DCDC1: variants seen among roughly 807,000 people sequenced by gnomAD.
The protein encoded by DCDC1 is doublecortin domain-containing protein 1.
DCDC1 carries 200 observed loss-of-function variants against 178.3 expected under a neutral mutation model. The ratio of observed to expected loss-of-function variants is 1.12; its 90% CI spans 1.00 to 1.26. DCDC1 has a LOEUF of 1.26. Ranked by LOEUF, DCDC1 falls within the 50% of genes most tolerant of loss-of-function variation. The pLI is 0.00. For synonymous variants in DCDC1, 690 were observed against 604.8 expected, an observed-to-expected ratio of 1.14 and a Z score of -2.07; for missense variants, 1,983 against 1,749.2, an observed-to-expected ratio of 1.13 and a Z score of -2.38.
chr11:31,366,827 G>A (rs1951984165), intron 1 of DCDC1, among the ~76,000 whole-genome samples: 1 of 152,194 alleles, frequency 6.6e-6, no homozygotes, highest in Non-Finnish European at 1.5e-5. Flanking sequence ...TAACAGGGAA[G>A]AAATGTTAAC....
chr11:31,341,635 C>T (rs1416577636), intron 1 of DCDC1, among the ~76,000 whole-genome samples: 1 of 152,024 alleles, frequency 6.6e-6, no homozygotes, highest in African/African-American at 2.4e-5. Flanking sequence ...GCAATTTTAA[C>T]ACTATAGTAA....
intron 3 of DCDC1, among the ~76,000 whole-genome samples, chr11:31,327,035 C>G (rs1949682849): frequency 6.6e-6 from 1 of 152,124 alleles, no homozygotes; most frequent in African/African-American, 2.4e-5. Flanking sequence ...TGAGTTCATA[C>G]CATACCTTCT....
intron 15 of DCDC1, among the ~76,000 whole-genome samples, chr11:31,098,813 C>T (rs1591038147): frequency 6.6e-6 from 1 of 152,294 alleles, no homozygotes; most frequent in East Asian, 1.9e-4. Context: ...ATTTTAAAGG[C>T]TTCACAGCTA....
At chr11:31,272,160 TAAA>T (rs71060483) in intron 7 of DCDC1, among the ~76,000 whole-genome samples, 13 of 135,574 alleles carry the variant, frequency 9.6e-5, no homozygotes, top group Admixed American at 7.3e-5. Flanking sequence ...AGACTCCATC[TAAA>T]AAAAAAAAAA....
chr11:31,048,754 G>T (rs1206362946), intron 20 of DCDC1, among the ~76,000 whole-genome samples: 2 of 152,296 alleles, frequency 1.3e-5, no homozygotes, highest in South Asian at 4.1e-4. Flanking sequence ...GTACTCGGGA[G>T]GCTGAGGCAG....
intron 9 of DCDC1, among the ~76,000 whole-genome samples, chr11:31,146,179 C>A (rs1273692893): frequency 1.3e-5 from 2 of 150,072 alleles, no homozygotes; most frequent in Non-Finnish European, 3.0e-5. Context: ...TTCAAGGATT[C>A]TTTGACCTCA....
intron 20 of DCDC1, among the ~76,000 whole-genome samples, chr11:31,030,683 A>G (rs1194988191): frequency 6.6e-6 from 1 of 152,094 alleles, no homozygotes; most frequent in Admixed American, 6.6e-5. Context: ...GGCTTTGCGG[A>G]TGTCTGCCTG....
intron 20 of DCDC1, among the ~76,000 whole-genome samples, chr11:30,968,674 T>C (rs1019858701): frequency 1.4e-5 from 2 of 140,282 alleles, no homozygotes; most frequent in Non-Finnish European, 3.0e-5. Context: ...CAAATATATA[T>C]ATCAAATTAT....
intron 20 of DCDC1, among the ~76,000 whole-genome samples, chr11:31,003,809 T>C (rs1951698423): frequency 6.6e-6 from 1 of 152,082 alleles, no homozygotes; most frequent in South Asian, 2.1e-4. Flanking sequence ...AGGGACAGGA[T>C]GGATTTTAGA....
chr11:31,012,382 G>C (rs1369185172), intron 20 of DCDC1, among the ~76,000 whole-genome samples: 3 of 152,074 alleles, frequency 2.0e-5, no homozygotes, highest in Non-Finnish European at 4.4e-5. Flanking sequence ...AGAATCACTT[G>C]AGCCCAGGAG....
intron 10 of DCDC1, among the ~76,000 whole-genome samples, chr11:31,133,963 A>G (rs1453436800): frequency 6.6e-6 from 1 of 152,178 alleles, no homozygotes; most frequent in Admixed American, 6.5e-5. Context: ...TCAGCCTCCC[A>G]AAGTGCTGGG....
intron 20 of DCDC1, among the ~76,000 whole-genome samples, chr11:30,997,733 A>G (rs1951347606): frequency 6.6e-6 from 1 of 152,212 alleles, no homozygotes; most frequent in South Asian, 2.1e-4. Flanking sequence ...CAGGAATGTT[A>G]GAATGAACCC....
intron 9 of DCDC1, among the ~76,000 whole-genome samples, chr11:31,203,814 A>G (rs981802750): frequency 2.0e-5 from 3 of 152,346 alleles, no homozygotes. Context: ...AGATATCACT[A>G]TCACTGCTTC....
At chr11:30,913,086 T>C (rs1313989210) in intron 27 of DCDC1, among the ~76,000 whole-genome samples, 2 of 152,154 alleles carry the variant, frequency 1.3e-5, no homozygotes, top group Non-Finnish European at 2.9e-5. Context: ...ATGGGACATA[T>C]ATTGTTCTGA....
At chr11:31,119,649 T>A (rs1224423110) in intron 11 of DCDC1, among the ~76,000 whole-genome samples, 1 of 152,168 alleles carries the variant, frequency 6.6e-6, no homozygotes, top group Admixed American at 6.5e-5. Context: ...AGCTTTCTAT[T>A]AATACAAATG....
At chr11:31,144,303 A>T (rs76109751) in intron 9 of DCDC1, among the ~76,000 whole-genome samples, 2 of 148,594 alleles carry the variant, frequency 1.3e-5, no homozygotes, top group East Asian at 2.0e-4. Flanking sequence ...CCTGGCTAAT[A>T]TTTTTTTTTT....
At position 31,018,175 on chromosome 11, in the gene DCDC1, T is replaced by C. The variant is rs544286416; in HGVS notation, c.2591+46294A>G. Among the ~76,000 whole-genome samples the C allele has an allele frequency of 3.9e-5, 6 of 152,328 alleles. No individual in the cohort carries two copies. In the East Asian group the frequency reaches 9.6e-4, roughly 24 times the overall value. ...CATTTTTCAAGCTCACCACCAATTA[T>C]GTAAGAATTTAGTTAATATTAGGTT... is the stretch of plus-strand genomic sequence containing the variant. On this transcript the variant is annotated intron_variant, in intron 20 of 38. Transcript: ENST00000684477.
chr11:31,039,917 TG>T (rs1252920740), intron 20 of DCDC1, among the ~76,000 whole-genome samples: 1 of 152,178 alleles, frequency 6.6e-6, no homozygotes, highest in Admixed American at 6.5e-5. Context: ...TAAATTGATG[TG>T]AATGTTTATT....
chr11:31,257,503 G>A (rs1944488069), intron 8 of DCDC1, among the ~76,000 whole-genome samples: 1 of 149,838 alleles, frequency 6.7e-6, no homozygotes, highest in Non-Finnish European at 1.5e-5. Context: ...CGAGGAATCG[G>A]ATTCCTGAAG....
Sources: gnomAD v4.1 joint callset for allele counts (sites outside exome capture counted in the v4.1 genomes callset) on GRCh38, gnomAD v4.1.1 for gene constraint, MANE v1.5 for transcripts, NCBI Gene and HGNC (gene_info 2026-07-23, HGNC 2026-07-21) for gene names.